Variants in RAB3C observed in about 807,000 individuals in gnomAD.
RAB3C encodes the protein RAB3C, member RAS oncogene family.
Under a neutral mutation model 26.4 loss-of-function variants are expected in RAB3C, and 17 were observed. That is an observed-to-expected ratio of 0.64 (90% confidence interval 0.44 to 0.97). The LOEUF is 0.97. Among genes scored for constraint, RAB3C ranks in the 50% least tolerant of loss-of-function variants. The probability of loss-of-function intolerance (pLI) is 0.00; values close to 1 mark genes in which losing one functional copy is unlikely to be tolerated. For missense variants in RAB3C, 242 were observed against 281.9 expected, an observed-to-expected ratio of 0.86 and a Z score of 1.01; for synonymous variants, 91 against 95.9, an observed-to-expected ratio of 0.95 and a Z score of 0.30.
At chr5:58,716,241 C>T (rs1281576600) in intron 2 of RAB3C, among the ~76,000 whole-genome samples, 1 of 152,010 alleles carries the variant, frequency 6.6e-6, no homozygotes. Context: ...AGTCTTAGCA[C>T]TGGACACAGC....
chr5:58,625,670 AACGTG>A (rs1561270881), intron 2 of RAB3C, among the ~76,000 whole-genome samples: 2 of 152,094 alleles, frequency 1.3e-5, no homozygotes, highest in Non-Finnish European at 2.9e-5. Context: ...CAGCCTGACC[AACGTG>A]GTGAAAACCC....
chr5:58,597,572 A>C (rs1746344030), intron 1 of RAB3C, among the ~76,000 whole-genome samples: 1 of 126,942 alleles, frequency 7.9e-6, no homozygotes, highest in Admixed American at 9.2e-5. Flanking sequence ...ATATATAAGC[A>C]TATAACAATA....
intron 3 of RAB3C, among the ~76,000 whole-genome samples, chr5:58,755,874 TAA>T (rs772703837): frequency 4.5e-4 from 68 of 152,314 alleles, no homozygotes; most frequent in Middle Eastern, 3.4e-3. Context: ...GAAGACAGTT[TAA>T]AAAAATTTCC....
chr5:58,691,158 G>A (rs1023273984), intron 2 of RAB3C, among the ~76,000 whole-genome samples: 10 of 152,000 alleles, frequency 6.6e-5, no homozygotes, highest in Non-Finnish European at 1.3e-4. Context: ...TTTTTAGAAT[G>A]AGGTCCACAG....
intron 1 of RAB3C, among the ~76,000 whole-genome samples, chr5:58,600,133 G>A (rs370837996): frequency 6.6e-6 from 1 of 151,966 alleles, no homozygotes; most frequent in African/African-American, 2.4e-5. Context: ...TTGCTTTGTC[G>A]AAAATCAGTT....
intron 2 of RAB3C, among the ~76,000 whole-genome samples, chr5:58,718,713 G>A (rs1749224788): frequency 6.6e-6 from 1 of 152,032 alleles, no homozygotes; most frequent in Non-Finnish European, 1.5e-5. Flanking sequence ...ACTATTTAGA[G>A]GCTGGTTTAT....
intron 3 of RAB3C, chr5:58,823,832 C>G (rs574212596): frequency 6.7e-6 from 1 of 150,290 alleles, no homozygotes; most frequent in Non-Finnish European, 1.5e-5. Flanking sequence ...CCCATTAACT[C>G]GTCATTTAGC....
intron 3 of RAB3C, among the ~76,000 whole-genome samples, chr5:58,743,556 T>C (rs1233626159): frequency 6.6e-6 from 1 of 152,010 alleles, no homozygotes; most frequent in Non-Finnish European, 1.5e-5. Flanking sequence ...ATGCTCTCCC[T>C]CCCCCTTGGC....
chr5:58,659,984 T>C (rs1441946780), intron 2 of RAB3C, among the ~76,000 whole-genome samples: 1 of 152,084 alleles, frequency 6.6e-6, no homozygotes, highest in Non-Finnish European at 1.5e-5. Context: ...TTGTGTTTTT[T>C]GTAGAGACAG....
At chr5:58,725,286 C>T (rs948676263) in intron 2 of RAB3C, among the ~76,000 whole-genome samples, 1 of 151,724 alleles carries the variant, frequency 6.6e-6, no homozygotes, top group Non-Finnish European at 1.5e-5. Context: ...CATTGAGAAG[C>T]CTGTTGTCAG....
chr5:58,686,693 TACACAC>T (rs150468974), intron 2 of RAB3C, among the ~76,000 whole-genome samples: 5 of 114,136 alleles, frequency 4.4e-5, no homozygotes, highest in Non-Finnish European at 6.7e-5. Context: ...CACACACACA[TACACAC>T]ACACACACAC....
At chr5:58,819,575 TCTTA>T (rs753413910) in intron 3 of RAB3C, among the ~76,000 whole-genome samples, 2 of 152,222 alleles carry the variant, frequency 1.3e-5, no homozygotes, top group African/African-American at 2.4e-5. Flanking sequence ...GCACAATTTT[TCTTA>T]CTTACCCATC....
intron 2 of RAB3C, among the ~76,000 whole-genome samples, chr5:58,676,025 G>T (rs1391654658): frequency 6.6e-6 from 1 of 152,074 alleles, no homozygotes; most frequent in Admixed American, 6.6e-5. Flanking sequence ...GCCCCAGGAA[G>T]CTTCCTCCCA....
intron 2 of RAB3C, among the ~76,000 whole-genome samples, chr5:58,627,471 T>TAAAAAA (rs58104232): frequency 1.0e-4 from 7 of 68,438 alleles, no homozygotes; most frequent in East Asian, 3.4e-4. Context: ...GACTCCGTCT[T>TAAAAAA]AAAAAAAAAA....
chr5:58,717,545 T>G (rs1358404910), intron 2 of RAB3C, among the ~76,000 whole-genome samples: 1 of 152,118 alleles, frequency 6.6e-6, no homozygotes, highest in Non-Finnish European at 1.5e-5. Context: ...TCTCGCTGCA[T>G]AGTGCCATGA....
intron 2 of RAB3C, among the ~76,000 whole-genome samples, chr5:58,627,602 T>C (rs1385346078): frequency 6.6e-6 from 1 of 151,808 alleles, no homozygotes; most frequent in South Asian, 2.1e-4. Flanking sequence ...AAGTACAGCA[T>C]TTTTCTAGTT....
chr5:58,752,123 A>T (rs1442077646), intron 3 of RAB3C, among the ~76,000 whole-genome samples: 1 of 152,186 alleles, frequency 6.6e-6, no homozygotes, highest in Non-Finnish European at 1.5e-5. Context: ...AGATAACTAC[A>T]TACTGAAATC....
At chr5:58,685,995 G>T (rs539669483) in intron 2 of RAB3C, among the ~76,000 whole-genome samples, 36 of 152,268 alleles carry the variant, frequency 2.4e-4, no homozygotes, top group Admixed American at 3.9e-4. Context: ...AGAAAAGCAG[G>T]TGACATGATT....
chr5:58,793,565 A>C (rs1236586158), intron 3 of RAB3C, among the ~76,000 whole-genome samples: 2 of 141,310 alleles, frequency 1.4e-5, no homozygotes, highest in Non-Finnish European at 3.0e-5. Flanking sequence ...TAAGTGTTAC[A>C]GACTTCATTT....
Sources: allele counts gnomAD v4.1 joint callset (sites outside exome capture counted in the v4.1 genomes callset), GRCh38; gene constraint gnomAD v4.1.1; transcripts MANE v1.5; gene names NCBI Gene and HGNC (gene_info 2026-07-23, HGNC 2026-07-21).